The following VCAN variants were observed in gnomAD, a reference collection of about 807,000 sequenced individuals.
VCAN encodes versican core protein.
In VCAN, 44 loss-of-function variants were observed where a neutral mutation model predicts 245.5. That is an observed-to-expected ratio of 0.18 (90% CI 0.14 to 0.23). The LOEUF (loss-of-function observed/expected upper bound fraction) is 0.23, where lower values mean the gene tolerates loss of function less well. Among genes scored for constraint, VCAN ranks in the 10% least tolerant of loss-of-function variants. The pLI is 1.00. For missense variants in VCAN, 3,793 were observed against 4,057.9 expected (o/e 0.93, Z 1.77); for synonymous variants, 1,413 against 1,437.0 (o/e 0.98, Z 0.38).
rs779526091 is a variant in VCAN at position 83,521,020 on chromosome 5, A to T, written c.2714A>T (p.Lys905Ile). The T allele has an allele frequency of 2.5e-6, 4 of 1,613,690 alleles. No individual in the cohort carries two copies. The highest frequency in any genetic ancestry group is 3.4e-6 in the Non-Finnish European group (4 of 1,179,872). ...TTGAGAGATTCTACAACTGAAGAAA[A>T]AGTTCCACCTATCACAAGCACTGAA... ...STLRDSTTEE[K>I]VPPITSTEGQ... The change falls in exon 7 of 15, where the codon AAA (lysine) becomes ATA (isoleucine). Residue 905 changes from lysine (K) to isoleucine (I), a missense_variant. Lys to Ile is a moderately radical substitution (Grantham distance 102, BLOSUM62 -3). Coordinates refer to ENST00000265077, the MANE Select transcript of VCAN (RefSeq NM_004385.5).
At chr5:83,497,950 G>A (rs1745210713) in intron 5 of VCAN, among the ~76,000 whole-genome samples, 1 of 152,176 alleles carries the variant, frequency 6.6e-6, no homozygotes, top group South Asian at 2.1e-4. Flanking sequence ...GACCCACTTA[G>A]TTTCCTTGCA....
chr5:83,526,663 T>A (rs572244516), intron 7 of VCAN, among the ~76,000 whole-genome samples: 1 of 152,370 alleles, frequency 6.6e-6, no homozygotes, highest in East Asian at 1.9e-4. Flanking sequence ...ATTATCTATA[T>A]CTTTATCTCA....
At chr5:83,516,043 T>C (rs530910761) in intron 6 of VCAN, among the ~76,000 whole-genome samples, 16 of 152,276 alleles carry the variant, frequency 1.1e-4, no homozygotes, top group East Asian at 9.7e-4. Flanking sequence ...CCATCCTGGC[T>C]AACACGGTGA....
At position 83,539,465 on chromosome 5, in the gene VCAN, T is replaced by C. The variant is rs1746874866; in HGVS notation, c.6462T>C (p.Asp2154=). The C allele has an allele frequency of 1.2e-6, 2 of 1,613,494 alleles. No homozygotes were observed. Among genetic ancestry groups the C allele is most frequent in the Non-Finnish European group, 1.7e-6 (2 of 1,179,834 alleles). ...TFTETELKTT[D]YSVLTTKKTY... ...CTGAAACTGAACTCAAAACCACAGA[T>C]TATTCTGTACTAACAACAAAGAAAA... The change falls in exon 8 of 15, where the codon GAT becomes GAC. Residue 2154 remains aspartate (D), a synonymous_variant. Transcript: ENST00000265077.
intron 12 of VCAN, among the ~76,000 whole-genome samples, chr5:83,557,378 C>T (rs1419865878): frequency 6.6e-6 from 1 of 152,192 alleles, no homozygotes; most frequent in Middle Eastern, 3.4e-3. Context: ...TTTTATTTCT[C>T]GTGGTGTCTG....
intron 10 of VCAN, 74 bp from the exon 11 acceptor site, chr5:83,553,290 C>T: frequency 6.3e-7 from 1 of 1,589,646 alleles, no homozygotes; most frequent in South Asian, 1.1e-5. Flanking sequence ...GGGTATCCTA[C>T]TAACACTTGG....
At position 83,472,027 on chromosome 5, in the gene VCAN, AT is replaced by A. The variant is rs1435228961; in HGVS notation, c.-7+5del. On this transcript the variant is annotated splice_donor_5th_base_variant and intron_variant, in intron 1 of 14. Coordinates refer to ENST00000265077, the MANE Select transcript of VCAN (RefSeq NM_004385.5). The stretch of plus-strand genomic sequence containing the variant: ...CTGCAATAAGCCGCCTTCCAAGGTA[AT>A]CACGTTTCTTTTGTTCCCCCCTTAA... The A allele has an allele frequency of 2.7e-6, 1 of 363,824 alleles. No homozygotes were observed. Among genetic ancestry groups the A allele is most frequent in the Admixed American group, 4.6e-5 (1 of 21,538 alleles). 22.5% of individuals were successfully genotyped at this position (363,824 alleles called of 1,614,324 possible).
rs1252484524 is a variant in VCAN, at chr5:83,481,283, C to T, written c.-6-2230C>T. On this transcript the variant is annotated intron_variant, in intron 1 of 14. Coordinates refer to ENST00000265077, the MANE Select transcript of VCAN (RefSeq NM_004385.5). ...TTTTTGAGACGGAGTCTCGCTCTGT[C>T]GCCCAGGCGCAATCTCAGCTCACTG... 7.2e-5 allele frequency among the ~76,000 whole-genome samples: 10 copies of T among 139,350 alleles called. No individual in the cohort carries two copies. The South Asian group carries it at 8.8e-4, about 12-fold the overall frequency. 91.4% of individuals were successfully genotyped at this position (139,350 alleles called of 152,430 possible).
chr5:83,540,818 A>G lies in VCAN; in HGVS notation c.7815A>G (p.Pro2605=), dbSNP rs750636811. ...TDIDTEVPSE[P]HDSNDESNDD... is the part of the protein sequence containing the mutation. ...TAGATACAGAGGTACCATCAGAACC[A>G]CATGACAGTAATGATGAAAGTAATG... The change falls in exon 8 of 15, where the codon CCA becomes CCG. Residue 2605 remains proline, a synonymous_variant. Transcript: ENST00000265077. The G allele has an allele frequency of 6.8e-6, 11 of 1,614,096 alleles. No homozygotes were observed. In the East Asian group the frequency reaches 1.3e-4, roughly 20 times the overall value.
chr5:83,494,380 A>C (rs1745091590), intron 5 of VCAN, among the ~76,000 whole-genome samples: 3 of 152,166 alleles, frequency 2.0e-5, no homozygotes, highest in African/African-American at 7.2e-5. Context: ...CTTCCTGTTT[A>C]TTTTGTTACA....
rs558813460 is a variant in VCAN, at chr5:83,564,390, T to C, written c.9736-8026T>C. 3.3e-5 allele frequency among the ~76,000 whole-genome samples: 5 copies of C among 152,318 alleles called. No individual in the cohort carries two copies. In the South Asian group the frequency reaches 1.0e-3, roughly 32 times the overall value. On this transcript the variant is annotated intron_variant, in intron 12 of 14. Transcript: ENST00000265077. ...ACCCAGATACACACAAGAATAATAC[T>C]ATCTGTAAATCAAGTTCCTGTAGTT... is the stretch of plus-strand genomic sequence containing the variant.
At chr5:83,512,634 CTG>C (rs1745704574) in intron 6 of VCAN, 1 of 534,888 alleles carries the variant, frequency 1.9e-6, no homozygotes, top group East Asian at 3.2e-5. Context: ...TAAGCTGTAA[CTG>C]TGCTCTGTTG....
chr5:83,476,769 TTCAGAGG>T (rs1259560328), intron 1 of VCAN, among the ~76,000 whole-genome samples: 1 of 152,052 alleles, frequency 6.6e-6, no homozygotes, highest in African/African-American at 2.4e-5. Flanking sequence ...GTGGTTGTAT[TTCAGAGG>T]TCAGTACAGA....
In VCAN at chr5:83,491,616, A is replaced by G. The variant is rs191277915; in HGVS notation, c.445+1144A>G. On this transcript the variant is annotated intron_variant, in intron 3 of 14. Coordinates refer to ENST00000265077, the MANE Select transcript of VCAN (RefSeq NM_004385.5). ...TACGTATCACTTTTTAAAATCCCCA[A>G]AGGAGTTTAACAACTTCTTACCATT... Among the ~76,000 whole-genome samples the G allele has an allele frequency of 2.6e-3, 390 of 152,066 alleles. 1 individual carries two copies. Among genetic ancestry groups the G allele is most frequent in the Non-Finnish European group, 2.6e-3 (176 of 67,976 alleles).
intron 13 of VCAN, among the ~76,000 whole-genome samples, chr5:83,577,189 T>C (rs1009978024): frequency 3.9e-5 from 6 of 152,160 alleles, no homozygotes; most frequent in Non-Finnish European, 5.9e-5. Flanking sequence ...GGAGGTCTTA[T>C]GATTCATGGC....
chr5:83,508,930 T>G (rs1304732731), intron 5 of VCAN, among the ~76,000 whole-genome samples: 2 of 152,160 alleles, frequency 1.3e-5, no homozygotes, highest in African/African-American at 4.8e-5. Context: ...CAAGGAGGAT[T>G]GCTGGAGGCA....
rs1302955879 is a variant in VCAN, at chr5:83,538,770, G to A, written c.5767G>A (p.Gly1923Ser). 5 of 1,613,796 alleles carry A rather than the reference G, an allele frequency of 3.1e-6. No individual in the cohort carries two copies. In the African/African-American group the frequency reaches 5.3e-5, roughly 17 times the overall value. ...GEPNYGAEIR[G>S]FSTGFPLEED... ...ACCAAATTATGGGGCAGAAATAAGG[G>A]GCTTTTCCACAGGTTTTCCTTTGGA... Residue 1923 changes from glycine to serine, a missense_variant, in exon 8 of 15, where the codon GGC becomes AGC. This residue lies in a region of VCAN where 3,182 missense variants were observed against 3,250.3 expected (regional missense o/e 0.98). Transcript: ENST00000265077.
intron 12 of VCAN, among the ~76,000 whole-genome samples, chr5:83,571,191 AC>A (rs1487697907): frequency 6.6e-6 from 1 of 152,164 alleles, no homozygotes; most frequent in Non-Finnish European, 1.5e-5. Context: ...CTTGTCTCAT[AC>A]CACATTCTAG....
chr5:83,532,077 T>C (rs1444618850), intron 7 of VCAN, among the ~76,000 whole-genome samples: 3 of 152,098 alleles, frequency 2.0e-5, no homozygotes, highest in East Asian at 3.9e-4. Flanking sequence ...AATTACACCA[T>C]TGGGTTGCTC....
Sources: gnomAD v4.1 joint callset for allele counts (sites outside exome capture counted in the v4.1 genomes callset) on GRCh38, gnomAD v4.1.1 for gene constraint, gnomAD v4.1.1 regional missense constraint, MANE v1.5 for transcripts, NCBI Gene and HGNC (gene_info 2026-07-23, HGNC 2026-07-21) for gene names.